Variants in CPED1 observed in about 807,000 individuals in gnomAD.
CPED1 encodes the protein cadherin like and PC-esterase domain containing 1.
In CPED1, 114 loss-of-function variants were observed where a neutral mutation model predicts 128.2. The observed-to-expected ratio is 0.89, with a 90% CI of 0.76 to 1.04. The LOEUF (loss-of-function observed/expected upper bound fraction) is 1.04. Ranked by LOEUF, CPED1 falls within the 50% of genes least tolerant of loss-of-function variation. The pLI is 0.00. For missense variants in CPED1, 1,211 were observed against 1,207.1 expected (o/e 1.00, Z -0.05); for synonymous variants, 462 against 426.7 (o/e 1.08, Z -1.02).
intron 12 of CPED1, among the ~76,000 whole-genome samples, chr7:121,132,291 A>G (rs1416160497): frequency 6.6e-6 from 1 of 152,064 alleles, no homozygotes; most frequent in African/African-American, 2.4e-5. Flanking sequence ...CCTTCTCACC[A>G]ATGGTCCAGT....
chr7:121,066,691 A>G lies in CPED1; in HGVS notation c.616+2378A>G, dbSNP rs538333620. Among the ~76,000 whole-genome samples, 7 of 152,270 alleles carry G rather than the reference A, an allele frequency of 4.6e-5. No homozygotes were observed. The East Asian group carries it at 1.4e-3, about 29-fold the overall frequency. On this transcript the variant is annotated intron_variant, in intron 5 of 22. Coordinates refer to ENST00000310396, the MANE Select transcript of CPED1 (RefSeq NM_024913.5). ...AGAAGACATGAGATGCCTAGGTCAG[A>G]GACCAGTGACTTTTTTATTTATAGC...
chr7:121,196,203 T>C (rs976983020), intron 16 of CPED1, among the ~76,000 whole-genome samples: 2 of 151,852 alleles, frequency 1.3e-5, no homozygotes, highest in African/African-American at 4.8e-5. Flanking sequence ...AATAAAATGG[T>C]GGGGAGAAGA....
intron 21 of CPED1, among the ~76,000 whole-genome samples, 182 bp downstream of exon 21, chr7:121,267,484 G>A (rs1584643585): frequency 6.6e-6 from 1 of 151,952 alleles, no homozygotes; most frequent in South Asian, 2.1e-4. Context: ...TATATTAAAA[G>A]GATTTCCTTT....
At chr7:121,041,933 T>C (rs1793068046) in intron 3 of CPED1, among the ~76,000 whole-genome samples, 1 of 152,126 alleles carries the variant, frequency 6.6e-6, no homozygotes, top group Admixed American at 6.5e-5. Context: ...ATGATAGTGA[T>C]TCGTGTTATC....
intron 16 of CPED1, among the ~76,000 whole-genome samples, chr7:121,164,305 C>T (rs954778212): frequency 6.6e-6 from 1 of 152,196 alleles, no homozygotes; most frequent in African/African-American, 2.4e-5. Flanking sequence ...TAAGTTTCAT[C>T]TAGGCCTTAA....
At chr7:121,275,444 G>C (rs1027433743) in intron 22 of CPED1, among the ~76,000 whole-genome samples, 5 of 152,102 alleles carry the variant, frequency 3.3e-5, no homozygotes, top group African/African-American at 1.2e-4. Flanking sequence ...GAGAGGTTTT[G>C]GATGGTGCCT....
At chr7:121,045,886 A>T (rs1418993781) in intron 3 of CPED1, among the ~76,000 whole-genome samples, 1 of 152,152 alleles carries the variant, frequency 6.6e-6, no homozygotes, top group African/African-American at 2.4e-5. Context: ...TTAAAAATTG[A>T]AATACATTTC....
chr7:121,030,434 T>C (rs1174271161), intron 3 of CPED1, among the ~76,000 whole-genome samples: 5 of 152,214 alleles, frequency 3.3e-5, no homozygotes, highest in African/African-American at 1.2e-4. Flanking sequence ...TTGTGCATCA[T>C]TCTGAGTAGC....
At chr7:121,190,588 ATTATT>A (rs1318706954) in intron 16 of CPED1, among the ~76,000 whole-genome samples, 2 of 152,056 alleles carry the variant, frequency 1.3e-5, no homozygotes, top group Non-Finnish European at 2.9e-5. Flanking sequence ...AATCCCAAAT[ATTATT>A]TTCAGGAACT....
At chr7:121,153,570 C>G (rs1208278957) in intron 16 of CPED1, among the ~76,000 whole-genome samples, 1 of 152,168 alleles carries the variant, frequency 6.6e-6, no homozygotes, top group East Asian at 1.9e-4. Context: ...TTTAATAACT[C>G]CCATTTCACA....
At chr7:121,115,537 C>G (rs1416832154) in intron 7 of CPED1, among the ~76,000 whole-genome samples, 1 of 152,016 alleles carries the variant, frequency 6.6e-6, no homozygotes, top group African/African-American at 2.4e-5. Flanking sequence ...ATAAAATATC[C>G]AGAATATAAA....
At chr7:121,175,189 G>C (rs965739448) in intron 16 of CPED1, among the ~76,000 whole-genome samples, 1 of 152,056 alleles carries the variant, frequency 6.6e-6, no homozygotes, top group African/African-American at 2.4e-5. Flanking sequence ...GACTTCCTCT[G>C]TTCCTATTTG....
chr7:121,140,493 C>T (rs1795876356), intron 14 of CPED1, among the ~76,000 whole-genome samples: 1 of 152,040 alleles, frequency 6.6e-6, no homozygotes, highest in Non-Finnish European at 1.5e-5. Flanking sequence ...TTGATATATG[C>T]AGTAAATATC....
intron 3 of CPED1, among the ~76,000 whole-genome samples, chr7:121,022,907 T>G (rs1338793365): frequency 6.6e-6 from 1 of 152,050 alleles, no homozygotes; most frequent in Non-Finnish European, 1.5e-5. Context: ...ATCCAGAATT[T>G]TAATAACGTA....
In CPED1 at chr7:121,100,107, T is replaced by C. The variant is rs771962292; in HGVS notation, c.918+13T>C. The C allele has an allele frequency of 2.5e-6, 4 of 1,612,138 alleles. No individual in the cohort carries two copies. In the South Asian group the frequency reaches 3.3e-5, roughly 13 times the overall value. On this transcript the variant is annotated intron_variant, in intron 7 of 22. Coordinates refer to ENST00000310396, the MANE Select transcript of CPED1 (RefSeq NM_024913.5). ...CTTCACTGTCAAGGTAAGCTCTCGGTTGAAGCTATTATTTCACGTAAGTAC... is the reference window on the plus strand; with the variant it reads ...CTTCACTGTCAAGGTAAGCTCTCGGCTGAAGCTATTATTTCACGTAAGTAC...
In CPED1 at chr7:121,116,991, C is replaced by CAT. The variant is rs1563031889; in HGVS notation, c.919-7332_919-7331dup. ...ATATATATATATACACACACACACA[C>CAT]ATATATATACACACACACATATATA... On this transcript the variant is annotated intron_variant, in intron 7 of 22. Coordinates refer to ENST00000310396, the MANE Select transcript of CPED1 (RefSeq NM_024913.5). Among the ~76,000 whole-genome samples, 665 of 130,102 alleles carry CAT rather than the reference C, an allele frequency of 5.1e-3. 13 individuals carry two copies. Among genetic ancestry groups the CAT allele is most frequent in the African/African-American group, 0.017 (624 of 37,752 alleles). 85.4% of individuals were successfully genotyped at this position (130,102 alleles called of 152,430 possible). A position where few individuals can be genotyped will look rare whatever the true frequency, so the allele number is the denominator to read the frequency against.
intron 16 of CPED1, among the ~76,000 whole-genome samples, chr7:121,157,839 A>G (rs2116423502): frequency 6.6e-6 from 1 of 152,264 alleles, no homozygotes; most frequent in East Asian, 1.9e-4. Flanking sequence ...GAGTAAAATG[A>G]ATGCAGGATT....
intron 16 of CPED1, among the ~76,000 whole-genome samples, chr7:121,213,359 A>G (rs910846444): frequency 2.6e-5 from 4 of 152,038 alleles, no homozygotes; most frequent in Admixed American, 2.0e-4. Context: ...TACCTCAAAC[A>G]GCTGCAAAGG....
intron 18 of CPED1, among the ~76,000 whole-genome samples, chr7:121,262,221 C>T (rs896209376): frequency 6.6e-6 from 1 of 152,008 alleles, no homozygotes; most frequent in East Asian, 1.9e-4. Flanking sequence ...CACCAGGACT[C>T]GAGCAGATGC....
Sources: allele counts gnomAD v4.1 joint callset (sites outside exome capture counted in the v4.1 genomes callset), GRCh38; gene constraint gnomAD v4.1.1; transcripts MANE v1.5; gene names NCBI Gene and HGNC (gene_info 2026-07-23, HGNC 2026-07-21).